Variants in CCDC102B observed in about 807,000 individuals in gnomAD.
CCDC102B encodes coiled-coil domain-containing protein 102B.
Under a neutral mutation model 57.4 loss-of-function variants are expected in CCDC102B, and 75 were observed. The observed-to-expected ratio is 1.31, with a 90% CI of 1.08 to 1.58. The LOEUF is 1.58. Among genes scored for constraint, CCDC102B ranks in the 40% most tolerant of loss-of-function variants. The pLI, the probability that CCDC102B is intolerant of heterozygous loss-of-function variation, is 0.00. For synonymous variants in CCDC102B, 206 were observed against 201.9 expected, an observed-to-expected ratio of 1.02 and a Z score of -0.17; for missense variants, 636 against 582.6, an observed-to-expected ratio of 1.09 and a Z score of -0.94.
At chr18:68,971,394 C>G (rs2050297341) in intron 6 of CCDC102B, among the ~76,000 whole-genome samples, 2 of 152,078 alleles carry the variant, frequency 1.3e-5, no homozygotes, top group South Asian at 2.1e-4. Flanking sequence ...CAGCAATTAT[C>G]TAGTGAAGTT....
chr18:68,833,990 A>G (rs2037255622), intron 1 of CCDC102B, among the ~76,000 whole-genome samples: 1 of 147,340 alleles, frequency 6.8e-6, no homozygotes, highest in African/African-American at 2.5e-5. Context: ...AAATACGAAG[A>G]GTGCACACAT....
intron 4 of CCDC102B, among the ~76,000 whole-genome samples, chr18:68,846,628 C>T (rs2037876009): frequency 6.7e-6 from 1 of 149,872 alleles, no homozygotes; most frequent in Non-Finnish European, 1.5e-5. Context: ...TTTATTTACA[C>T]ATTTGTGTCA....
intron 2 of CCDC102B, among the ~76,000 whole-genome samples, chr18:68,722,878 A>G (rs370922158): frequency 1.7e-5 from 2 of 115,466 alleles, no homozygotes. Context: ...ATCTGCTTTT[A>G]TTTTTTTTTC....
At chr18:68,716,092 T>A (rs2031961565) in intron 1 of CCDC102B, among the ~76,000 whole-genome samples, 1 of 152,030 alleles carries the variant, frequency 6.6e-6, no homozygotes, top group Middle Eastern at 3.4e-3. Context: ...AGATTCAATT[T>A]TTCTTTTTCT....
At chr18:68,770,079 AACCTTAAAGAAG>A (rs1467851933) in intron 2 of CCDC102B, among the ~76,000 whole-genome samples, 5 of 152,182 alleles carry the variant, frequency 3.3e-5, no homozygotes, top group African/African-American at 1.2e-4. Flanking sequence ...ACTTTTCTAA[AACCTTAAAGAAG>A]AGCATCTCCA....
intron 6 of CCDC102B, chr18:68,908,331 A>G (rs2040717832): frequency 1.3e-5 from 2 of 152,196 alleles, no homozygotes; most frequent in Non-Finnish European, 2.9e-5. Flanking sequence ...TTCCTGCCAT[A>G]TTTAAGTTGT....
chr18:68,998,113 A>G (rs1235072698), intron 6 of CCDC102B, among the ~76,000 whole-genome samples: 1 of 151,798 alleles, frequency 6.6e-6, no homozygotes, highest in Non-Finnish European at 1.5e-5. Flanking sequence ...TGATTACTCT[A>G]GCTCCTGACC....
chr18:68,765,135 G>A (rs995056563), intron 2 of CCDC102B, among the ~76,000 whole-genome samples: 2 of 150,702 alleles, frequency 1.3e-5, no homozygotes, highest in Admixed American at 1.3e-4. Flanking sequence ...AAGTGGGGGG[G>A]ATTGCTTGAG....
chr18:68,864,840 A>C (rs1310887041), intron 4 of CCDC102B, among the ~76,000 whole-genome samples: 2 of 152,062 alleles, frequency 1.3e-5, no homozygotes, highest in African/African-American at 2.4e-5. Flanking sequence ...TATTTTCATG[A>C]AATGTCCAAA....
chr18:68,900,018 T>C (rs1815479492), intron 6 of CCDC102B: 2 of 152,160 alleles, frequency 1.3e-5, no homozygotes, highest in South Asian at 4.1e-4. Flanking sequence ...TTTTAAAGGA[T>C]AGATTGGAAA....
chr18:68,788,776 T>C (rs2035312538), intron 2 of CCDC102B, among the ~76,000 whole-genome samples: 1 of 151,876 alleles, frequency 6.6e-6, no homozygotes. Flanking sequence ...GTCTTGACTC[T>C]TTATCCAATT....
At chr18:68,992,025 G>A (rs1002549165) in intron 6 of CCDC102B, among the ~76,000 whole-genome samples, 5 of 151,796 alleles carry the variant, frequency 3.3e-5, no homozygotes, top group African/African-American at 1.2e-4. Context: ...ATGTTTCCAG[G>A]TACACTTAAA....
chr18:68,730,134 C>G (rs573760822), intron 2 of CCDC102B, among the ~76,000 whole-genome samples: 1 of 152,228 alleles, frequency 6.6e-6, no homozygotes, highest in Non-Finnish European at 1.5e-5. Flanking sequence ...ATACAGTAAA[C>G]TTAAGTTTAA....
chr18:69,014,958 T>TGAGAGAGA (rs748203787), intron 7 of CCDC102B, among the ~76,000 whole-genome samples: 3 of 114,506 alleles, frequency 2.6e-5, no homozygotes, highest in African/African-American at 8.7e-5. Flanking sequence ...TGTATGTGAA[T>TGAGAGAGA]GAGAGAGAGA....
intron 2 of CCDC102B, among the ~76,000 whole-genome samples, chr18:68,732,512 T>A (rs977417617): frequency 1.3e-5 from 2 of 151,144 alleles, no homozygotes; most frequent in African/African-American, 4.9e-5. Flanking sequence ...GCTCAGCTAA[T>A]TTTTTTTTAT....
chr18:68,811,067 A>C (rs539716984), intron 1 of CCDC102B, among the ~76,000 whole-genome samples: 3 of 152,230 alleles, frequency 2.0e-5, no homozygotes, highest in South Asian at 4.1e-4. Flanking sequence ...CATGGTGTAT[A>C]TGTGCCACAT....
chr18:68,958,028 C>T (rs777178657), intron 6 of CCDC102B, among the ~76,000 whole-genome samples: 2 of 152,128 alleles, frequency 1.3e-5, no homozygotes, highest in Non-Finnish European at 2.9e-5. Context: ...GGAGGCCTCA[C>T]AATCATGGCA....
chr18:68,884,420 A>G (rs1286233702), intron 5 of CCDC102B, among the ~76,000 whole-genome samples: 1 of 152,158 alleles, frequency 6.6e-6, no homozygotes, highest in Non-Finnish European at 1.5e-5. Flanking sequence ...ACACAAAAAG[A>G]AAAATATTGC....
intron 6 of CCDC102B, among the ~76,000 whole-genome samples, chr18:68,966,534 A>G (rs2050169639): frequency 6.6e-6 from 1 of 152,102 alleles, no homozygotes; most frequent in Non-Finnish European, 1.5e-5. Flanking sequence ...TTTGTATTCT[A>G]GGTGCTGGTT....
Sources: allele counts gnomAD v4.1 joint callset (sites outside exome capture counted in the v4.1 genomes callset), GRCh38; gene constraint gnomAD v4.1.1; transcripts MANE v1.5; gene names NCBI Gene and HGNC (gene_info 2026-07-23, HGNC 2026-07-21).